REV3L: variants seen among roughly 807,000 people sequenced by gnomAD.
The protein encoded by REV3L is DNA polymerase zeta catalytic subunit.
REV3L carries 69 observed loss-of-function variants against 299.4 expected under a neutral mutation model. That is an observed-to-expected ratio of 0.23 (90% CI 0.19 to 0.28). The LOEUF (loss-of-function observed/expected upper bound fraction) is 0.28, where lower values mean the gene tolerates loss of function less well. Among genes scored for constraint, REV3L ranks in the 10% least tolerant of loss-of-function variants. The pLI is 1.00. For synonymous variants in REV3L, 1,238 were observed against 1,271.4 expected, an observed-to-expected ratio of 0.97 and a Z score of 0.56; for missense variants, 3,128 against 3,693.8, an observed-to-expected ratio of 0.85 and a Z score of 3.97.
At chr6:111,377,341 T>A in intron 12 of REV3L, among the ~76,000 whole-genome samples, 1 of 152,176 alleles carries the variant, frequency 6.6e-6, no homozygotes, top group Middle Eastern at 3.4e-3. Context: ...TTTATTTATT[T>A]ATTATTTTTT....
intron 20 of REV3L, among the ~76,000 whole-genome samples, chr6:111,344,328 T>G (rs902019807): frequency 6.6e-6 from 1 of 150,664 alleles, no homozygotes; most frequent in Non-Finnish European, 1.5e-5. Flanking sequence ...CTTACCATTT[T>G]TATACTCCAT....
chr6:111,437,405 C>A (rs755808589), intron 1 of REV3L, among the ~76,000 whole-genome samples: 1 of 151,506 alleles, frequency 6.6e-6, no homozygotes, highest in Non-Finnish European at 1.5e-5. Flanking sequence ...ATTATTCAGC[C>A]ATAAAAAGGA....
At chr6:111,308,759 C>T (rs781697680) in intron 30 of REV3L, among the ~76,000 whole-genome samples, 10 of 152,156 alleles carry the variant, frequency 6.6e-5, no homozygotes, top group Admixed American at 2.6e-4. Context: ...ACGTTATTTG[C>T]GGCTACCATT....
intron 1 of REV3L, among the ~76,000 whole-genome samples, chr6:111,468,628 A>G (rs1258286938): frequency 6.6e-6 from 1 of 152,218 alleles, no homozygotes; most frequent in Non-Finnish European, 1.5e-5. Context: ...TGAGAACATA[A>G]TCTTGATGAA....
chr6:111,444,104 T>G (rs1279321526), intron 1 of REV3L, among the ~76,000 whole-genome samples: 1 of 152,200 alleles, frequency 6.6e-6, no homozygotes, highest in Non-Finnish European at 1.5e-5. Context: ...AAATGTAACA[T>G]GTAGACAGGC....
In REV3L at chr6:111,480,025, C is replaced by G. The variant is rs375592691; in HGVS notation, c.139+2725G>C. Among the ~76,000 whole-genome samples, 13 of 152,274 alleles carry G rather than the reference C, an allele frequency of 8.5e-5. No individual in the cohort carries two copies. The East Asian group carries it at 1.3e-3, about 16-fold the overall frequency. On this transcript the variant is annotated intron_variant, in intron 1 of 31. Coordinates refer to ENST00000368802, the MANE Select transcript of REV3L (RefSeq NM_001372078.1). ...ACTAGTAAAAGGGTATTAATCCAAT[C>G]AGTTCAGAATTTGTAATATAATTTT...
At chr6:111,359,126 T>C in intron 16 of REV3L, 112 bp from the exon 17 acceptor site, 1 of 839,898 alleles carries the variant, frequency 1.2e-6, no homozygotes, top group Non-Finnish European at 1.7e-6. Context: ...AAAATGGACA[T>C]AAAGGACAAA....
At chr6:111,359,371 T>C (rs1778409311) in intron 16 of REV3L, among the ~76,000 whole-genome samples, 1 of 152,156 alleles carries the variant, frequency 6.6e-6, no homozygotes, top group Admixed American at 6.5e-5. Flanking sequence ...TGTAGTTAGC[T>C]AAACTATATA....
intron 25 of REV3L, among the ~76,000 whole-genome samples, chr6:111,325,753 T>A (rs530648163): frequency 2.6e-5 from 4 of 152,348 alleles, no homozygotes; most frequent in South Asian, 2.1e-4. Context: ...ATCCATCACC[T>A]CAAGCATTTA....
At chr6:111,406,355 AGAGAAGTAAT>A (rs1391634393) in intron 3 of REV3L, among the ~76,000 whole-genome samples, 10 of 152,230 alleles carry the variant, frequency 6.6e-5, no homozygotes, top group African/African-American at 2.2e-4. Context: ...AGGCAGGGAT[AGAGAAGTAAT>A]GAGAAGTAAG....
At chr6:111,348,094 G>A (rs1337450828) in intron 20 of REV3L, among the ~76,000 whole-genome samples, 1 of 152,064 alleles carries the variant, frequency 6.6e-6, no homozygotes, top group African/African-American at 2.4e-5. Context: ...GAGCCACCAT[G>A]CCCAACCTAA....
At chr6:111,312,957 A>G (rs1582461641) in intron 28 of REV3L, 1 of 155,096 alleles carries the variant, frequency 6.4e-6, no homozygotes, top group Admixed American at 6.5e-5. Context: ...ATTGCTTTTT[A>G]GTAATTTTTG....
chr6:111,451,947 G>A (rs1354754849), intron 1 of REV3L, among the ~76,000 whole-genome samples: 1 of 151,700 alleles, frequency 6.6e-6, no homozygotes, highest in Non-Finnish European at 1.5e-5. Flanking sequence ...TAGATTGGGA[G>A]AAAATATCTG....
intron 4 of REV3L, among the ~76,000 whole-genome samples, chr6:111,401,884 G>A (rs1331653485): frequency 1.3e-5 from 2 of 152,150 alleles, no homozygotes; most frequent in Admixed American, 6.5e-5. Context: ...GCTGAGGTGG[G>A]TGGATCGCTT....
intron 2 of REV3L, chr6:111,412,085 A>T: frequency 1.0e-6 from 1 of 985,120 alleles, no homozygotes; most frequent in Non-Finnish European, 1.2e-6. Flanking sequence ...TTATTATTTT[A>T]TAAGTTCAAT....
At chr6:111,472,082 T>A in intron 1 of REV3L, 1 of 1,247,938 alleles carries the variant, frequency 8.0e-7, no homozygotes, top group Non-Finnish European at 1.0e-6. Flanking sequence ...TTAAAACAAA[T>A]AATATGATGA....
At position 111,422,615 on chromosome 6, in the gene REV3L, C is replaced by CATAT. The variant is rs200341270; in HGVS notation, c.140-6147_140-6144dup. Among the ~76,000 whole-genome samples, 3 of 13,642 alleles carry CATAT rather than the reference C, an allele frequency of 2.2e-4. 1 individual carries two copies. Among genetic ancestry groups the CATAT allele is most frequent in the Non-Finnish European group, 6.1e-4 (3 of 4,892 alleles). 8.9% of individuals were successfully genotyped at this position (13,642 alleles called of 152,430 possible). A position where few individuals can be genotyped will look rare whatever the true frequency, so the allele number is the denominator to read the frequency against. On this transcript the variant is annotated intron_variant, in intron 1 of 31. Coordinates refer to ENST00000368802, the MANE Select transcript of REV3L (RefSeq NM_001372078.1). ...ATATACACATATATATATATATACA[C>CATAT]ATATATATATATATACACATATATA... is the stretch of plus-strand genomic sequence containing the variant.
In REV3L at chr6:111,379,457, TCA is replaced by T. The variant is rs1780612557; in HGVS notation, c.1454+523_1454+524del. The stretch of plus-strand genomic sequence containing the variant: ...AAGGGCAGACTCAAACCAATCAAGT[TCA>T]CAGAGACTGATTTAGAAAACCACAA... On this transcript the variant is annotated intron_variant, in intron 11 of 31. Transcript: ENST00000368802. 2.6e-5 allele frequency among the ~76,000 whole-genome samples: 4 copies of T among 152,346 alleles called. No individual in the cohort carries two copies. In the South Asian group the frequency reaches 8.3e-4, roughly 32 times the overall value.
chr6:111,448,476 A>G (rs1789121332), intron 1 of REV3L, among the ~76,000 whole-genome samples: 1 of 151,966 alleles, frequency 6.6e-6, no homozygotes, highest in Non-Finnish European at 1.5e-5. Flanking sequence ...CTGGGACCAC[A>G]GGCACCGGCC....
Sources: gnomAD v4.1 joint callset for allele counts (sites outside exome capture counted in the v4.1 genomes callset) on GRCh38, gnomAD v4.1.1 for gene constraint, MANE v1.5 for transcripts, NCBI Gene and HGNC (gene_info 2026-07-23, HGNC 2026-07-21) for gene names.